Variants in PIAS2 observed in about 807,000 individuals in gnomAD.
The protein encoded by PIAS2 is E3 SUMO-protein ligase PIAS2.
In PIAS2, 19 loss-of-function variants were observed where a neutral mutation model predicts 69.7. That is an observed-to-expected ratio of 0.27 (90% confidence interval 0.19 to 0.40). PIAS2 has a LOEUF of 0.40. PIAS2 is among the 10% of genes least tolerant of loss of function. The pLI, the probability that PIAS2 is intolerant of heterozygous loss-of-function variation, is 1.00. For missense variants in PIAS2, 624 were observed against 757.0 expected (o/e 0.82, Z 2.06); for synonymous variants, 261 against 263.2 (o/e 0.99, Z 0.08).
At chr18:46,885,327 G>C (rs2052978409) in intron 2 of PIAS2, among the ~76,000 whole-genome samples, 1 of 151,996 alleles carries the variant, frequency 6.6e-6, no homozygotes, top group Non-Finnish European at 1.5e-5. Flanking sequence ...GACGAACCTG[G>C]CCAACATAGT....
At chr18:46,910,683 G>A (rs532755111) in intron 1 of PIAS2, among the ~76,000 whole-genome samples, 1 of 152,308 alleles carries the variant, frequency 6.6e-6, no homozygotes, top group South Asian at 2.1e-4. Flanking sequence ...CTTTCAGAAT[G>A]TAAACAAATC....
chr18:46,844,773 T>A lies in PIAS2; in HGVS notation c.928A>T (p.Met310Leu), dbSNP rs773964504. 1 of 1,494,908 alleles carries A rather than the reference T, an allele frequency of 6.7e-7. No individual in the cohort carries two copies. The highest frequency in any genetic ancestry group is 2.4e-5 in the Admixed American group (1 of 41,930). The allele number at this position is 1,494,908 out of a possible 1,614,324, so 92.6% of individuals were successfully genotyped here. ...TSAMLLQRLK[M>L]KGIRNPDHSR... is the part of the protein sequence containing the mutation. ...TGATCAGGGTTTCTAATACCTTTCATTTTTAATCTCTGTAATAACATGGCT... is the reference window on the plus strand; with the variant it reads ...TGATCAGGGTTTCTAATACCTTTCAATTTTAATCTCTGTAATAACATGGCT... Residue 310 changes from methionine to leucine, a missense_variant, in exon 7 of 14, where the codon ATG (methionine) becomes TTG (leucine). Coordinates refer to ENST00000585916, the MANE Select transcript of PIAS2 (RefSeq NM_004671.5).
At chr18:46,824,372 T>C (rs576407335) in intron 11 of PIAS2, among the ~76,000 whole-genome samples, 26 of 152,324 alleles carry the variant, frequency 1.7e-4, no homozygotes, top group Non-Finnish European at 3.4e-4. Flanking sequence ...TATAGATTTA[T>C]CCTTATTATG....
chr18:46,899,237 A>G (rs1054720925), intron 1 of PIAS2, among the ~76,000 whole-genome samples: 4 of 152,198 alleles, frequency 2.6e-5, no homozygotes, highest in African/African-American at 9.7e-5. Context: ...AAGGGACACA[A>G]AAAGTGAAGA....
At chr18:46,854,669 C>G (rs987170724) in intron 5 of PIAS2, among the ~76,000 whole-genome samples, 1 of 152,118 alleles carries the variant, frequency 6.6e-6, no homozygotes, top group Non-Finnish European at 1.5e-5. Context: ...TGTATACATC[C>G]TAGGTGCTGA....
intron 1 of PIAS2, among the ~76,000 whole-genome samples, chr18:46,899,995 C>T (rs1376510652): frequency 6.6e-6 from 1 of 152,098 alleles, no homozygotes; most frequent in East Asian, 1.9e-4. Context: ...TTTTGGGAGG[C>T]CAAGTGGGCA....
At position 46,812,558 on chromosome 18, in the gene PIAS2, T is replaced by A. The variant is rs1324624994; in HGVS notation, c.1741A>T (p.Thr581Ser). 1 of 1,613,328 alleles carries A rather than the reference T, an allele frequency of 6.2e-7. No individual in the cohort carries two copies. Among genetic ancestry groups the A allele is most frequent in the Non-Finnish European group, 8.5e-7 (1 of 1,179,426 alleles). Residue 581 changes from threonine (T) to serine (S), a missense_variant, in exon 14 of 14, where the codon ACG becomes TCG. Physicochemically the swap from Thr to Ser is moderately conservative, Grantham distance 58. This residue lies in a region of PIAS2 where 241 missense variants were observed against 257.3 expected (regional missense o/e 0.94). Coordinates refer to ENST00000585916, the MANE Select transcript of PIAS2 (RefSeq NM_004671.5). Reference protein sequence around the residue: ...SLTSPLTASSTSVTTTSSHES... With the variant: ...SLTSPLTASSSSVTTTSSHES... ...TGGGAGCTGGTGGTGGTGACAGACG[T>A]ACTGCTTGCTGTTAAGGGTGAGGTG...
intron 9 of PIAS2, among the ~76,000 whole-genome samples, chr18:46,831,634 T>C (rs960882538): frequency 1.1e-4 from 17 of 152,110 alleles, no homozygotes; most frequent in African/African-American, 3.4e-4. Context: ...AATAAATCAA[T>C]AGAACAGTTC....
At chr18:46,907,644 T>C (rs2146253829) in intron 1 of PIAS2, 1 of 152,372 alleles carries the variant, frequency 6.6e-6, no homozygotes, top group East Asian at 1.9e-4. Flanking sequence ...AAAGGTCAAC[T>C]GTATCTTGTC....
In PIAS2 at chr18:46,846,542, A is replaced by G. The variant is rs1226204357; in HGVS notation, c.861+165T>C. On this transcript the variant is annotated intron_variant, in intron 6 of 13. Coordinates refer to ENST00000585916, the MANE Select transcript of PIAS2 (RefSeq NM_004671.5). ...AGGAAAGCTCAGAGTTAAAGTTTTT[A>G]ACTTTAAGAATCTCCACACTGCCAC... The G allele has an allele frequency of 6.2e-5, 34 of 544,284 alleles. No homozygotes were observed. The East Asian group carries it at 1.0e-3, about 17-fold the overall frequency. The allele number at this position is 544,284 out of a possible 1,614,324, so 33.7% of individuals were successfully genotyped here.
intron 6 of PIAS2, among the ~76,000 whole-genome samples, chr18:46,845,698 C>T (rs1252516964): frequency 6.6e-6 from 1 of 151,390 alleles, no homozygotes; most frequent in East Asian, 1.9e-4. Flanking sequence ...CAATAAACAT[C>T]ATACTTTTAA....
At chr18:46,913,565 A>G (rs2057489856) in intron 1 of PIAS2, among the ~76,000 whole-genome samples, 1 of 152,014 alleles carries the variant, frequency 6.6e-6, no homozygotes, top group Non-Finnish European at 1.5e-5. Flanking sequence ...GATCCTTAAA[A>G]AAAAAAAAAA....
chr18:46,904,322 A>G (rs2056295418), intron 1 of PIAS2: 2 of 152,378 alleles, frequency 1.3e-5, no homozygotes, highest in South Asian at 4.1e-4. Context: ...GAGTAAGACT[A>G]TCAGACTAGA....
At chr18:46,871,955 C>T (rs1021758313) in intron 2 of PIAS2, among the ~76,000 whole-genome samples, 9 of 151,998 alleles carry the variant, frequency 5.9e-5, no homozygotes, top group East Asian at 1.9e-4. Context: ...GATGTATGGG[C>T]GAGAGAAGGA....
At chr18:46,909,625 A>G (rs2057028191) in intron 1 of PIAS2, among the ~76,000 whole-genome samples, 1 of 152,228 alleles carries the variant, frequency 6.6e-6, no homozygotes, top group South Asian at 2.1e-4. Flanking sequence ...ATTGCTGGAG[A>G]GAACGAAGAC....
chr18:46,909,281 C>G (rs2056991404), intron 1 of PIAS2, among the ~76,000 whole-genome samples: 2 of 151,506 alleles, frequency 1.3e-5, no homozygotes. Flanking sequence ...TTTTTTGAAA[C>G]AGGGTCTCAC....
intron 3 of PIAS2, among the ~76,000 whole-genome samples, chr18:46,857,336 A>G (rs2047991138): frequency 6.6e-6 from 1 of 152,252 alleles, no homozygotes; most frequent in Non-Finnish European, 1.5e-5. Flanking sequence ...CAGAAATACA[A>G]CACCTAAAAT....
Position 46,812,291 on chromosome 18 carries a change from C to A in PIAS2, c.*142G>T. The A allele has an allele frequency of 1.7e-6, 1 of 573,384 alleles. No individual in the cohort carries two copies. The allele number at this position is 573,384 out of a possible 1,614,324, so 35.5% of individuals were successfully genotyped here. A position where few individuals can be genotyped will look rare whatever the true frequency, so the allele number is the denominator to read the frequency against. On this transcript the variant is annotated 3_prime_UTR_variant, in exon 14 of 14. Coordinates refer to ENST00000585916, the MANE Select transcript of PIAS2 (RefSeq NM_004671.5). ...TCTTGTTGCAGTCTTCTGTGTTCAC[C>A]CCTCAGAAAGCAAAAGAATCCATCT...
chr18:46,829,668 G>A, intron 10 of PIAS2, 66 bp downstream of exon 10: 1 of 1,406,380 alleles, frequency 7.1e-7, no homozygotes. Context: ...AGTTCTAGGG[G>A]CCAAGATTAA....
Sources: allele counts gnomAD v4.1 joint callset (sites outside exome capture counted in the v4.1 genomes callset), GRCh38; gene constraint gnomAD v4.1.1; regional missense constraint gnomAD v4.1.1; transcripts MANE v1.5; gene names NCBI Gene and HGNC (gene_info 2026-07-23, HGNC 2026-07-21).